Variants in RCAN1 observed in about 807,000 individuals in gnomAD.
RCAN1 encodes the protein calcipressin-1.
A neutral mutation model predicts 22.9 loss-of-function variants in RCAN1; 11 were observed. That is an observed-to-expected ratio of 0.48 (90% CI 0.30 to 0.79). The LOEUF is 0.79. Ranked by LOEUF, RCAN1 falls within the 30% of genes least tolerant of loss-of-function variation. The probability of loss-of-function intolerance (pLI) is 0.06; values close to 1 mark genes in which losing one functional copy is unlikely to be tolerated. For synonymous variants in RCAN1, 136 were observed against 142.3 expected, an observed-to-expected ratio of 0.96 and a Z score of 0.32; for missense variants, 291 against 337.8, an observed-to-expected ratio of 0.86 and a Z score of 1.09.
Position 34,517,874 on chromosome 21 carries a change from C to T in RCAN1, c.*210G>A. On this transcript the variant is annotated 3_prime_UTR_variant, in exon 4 of 4. Transcript: ENST00000313806. The stretch of plus-strand genomic sequence containing the variant: ...ATCACCACAAACTCAGTGATTGGCC[C>T]AAGTCATTCCCGGGTGCCATGAACA... 1 of 603,192 alleles carries T rather than the reference C, an allele frequency of 1.7e-6. No homozygotes were observed. Among genetic ancestry groups the T allele is most frequent in the Admixed American group, 3.0e-5 (1 of 33,130 alleles). 37.4% of individuals were successfully genotyped at this position (603,192 alleles called of 1,614,324 possible). A position where few individuals can be genotyped will look rare whatever the true frequency, so the allele number is the denominator to read the frequency against.
chr21:34,557,162 G>A (rs7278580), intron 1 of RCAN1, among the ~76,000 whole-genome samples: 27,548 of 152,122 alleles, frequency 0.18, 2,918 homozygotes, highest in South Asian at 0.25. Context: ...GCAGTGAGCC[G>A]AGATCACGCC....
chr21:34,530,344 T>C (rs1985310601), intron 1 of RCAN1, among the ~76,000 whole-genome samples: 1 of 152,198 alleles, frequency 6.6e-6, no homozygotes, highest in Non-Finnish European at 1.5e-5. Context: ...AATTAAGGTT[T>C]ATGATGAATT....
At chr21:34,567,100 A>C (rs1205686227) in intron 1 of RCAN1, among the ~76,000 whole-genome samples, 1 of 151,280 alleles carries the variant, frequency 6.6e-6, no homozygotes, top group Non-Finnish European at 1.5e-5. Context: ...CCACCTCCCC[A>C]CCCCCTAAAT....
At position 34,563,768 on chromosome 21, in the gene RCAN1, A is replaced by ATATAT. The variant is rs56397854; in HGVS notation, c.253-40059_253-40058insATATA. ...ACTAAAAATACCAAAAAAAAAAAAA[A>ATATAT]AAATATATATATATATATATATATA... On this transcript the variant is annotated intron_variant, in intron 1 of 3. Coordinates refer to ENST00000313806, the MANE Select transcript of RCAN1 (RefSeq NM_004414.7). 1.4e-3 allele frequency among the ~76,000 whole-genome samples: 125 copies of ATATAT among 88,108 alleles called. 1 individual carries two copies. The highest frequency in any genetic ancestry group is 2.1e-3 in the Non-Finnish European group (98 of 47,050). The allele number at this position is 88,108 out of a possible 152,430, so 57.8% of individuals were successfully genotyped here. A position where few individuals can be genotyped will look rare whatever the true frequency, so the allele number is the denominator to read the frequency against.
Position 34,521,578 on chromosome 21 carries a change from T to A in RCAN1, c.507A>T (p.Pro169=), listed in dbSNP as rs1333339294. The change falls in exon 3 of 4, where the codon CCA becomes CCT. Residue 169 remains proline (P), a synonymous_variant. Transcript: ENST00000313806. ...CATCTTCCACTTGTTTCCATCCCAC[T>A]GGCGGAGAGGCGGGAGGGGAGATCA... is the stretch of plus-strand genomic sequence containing the variant. ...QFLISPPASP[P]VGWKQVEDAT... is the part of the protein sequence containing the mutation. 6.2e-7 allele frequency: 1 copy of A among 1,614,170 alleles called. No individual in the cohort carries two copies. Among genetic ancestry groups the A allele is most frequent in the Admixed American group, 1.7e-5 (1 of 60,024 alleles).
chr21:34,535,617 T>C (rs1985631886), intron 1 of RCAN1, among the ~76,000 whole-genome samples: 1 of 152,024 alleles, frequency 6.6e-6, no homozygotes, highest in Non-Finnish European at 1.5e-5. Flanking sequence ...ACAGTTCTGA[T>C]ACTTTGAAAA....
Position 34,614,768 on chromosome 21 carries a change from G to T in RCAN1, c.244C>A (p.Leu82Met). 1 of 1,450,068 alleles carries T rather than the reference G, an allele frequency of 6.9e-7. No homozygotes were observed. The highest frequency in any genetic ancestry group is 3.2e-5 in the East Asian group (1 of 30,942). 89.8% of individuals were successfully genotyped at this position (1,450,068 alleles called of 1,614,324 possible). Residue 82 changes from leucine to methionine, a missense_variant, in exon 1 of 4, where the codon CTG (leucine) becomes ATG (methionine). By Grantham distance (15) the Leu-to-Met change is conservative (BLOSUM62 2). Transcript: ENST00000313806. The surrounding 1 kb of genome is among the most constrained non-coding windows in gnomAD (Gnocchi z 6.0). ...HLDPRVFVDGLCRAKFESLFR... is the reference protein window; with the variant it reads ...HLDPRVFVDGMCRAKFESLFR... ...CCCGGCGCGGTCCTCACCCGGCACA[G>T]GCCGTCCACGAACACGCGCGGGTCC...
chr21:34,563,939 G>A (rs578072266), intron 1 of RCAN1, among the ~76,000 whole-genome samples: 1,547 of 151,086 alleles, frequency 0.01, 10 homozygotes, highest in Non-Finnish European at 0.015. Context: ...GCACTCTAGC[G>A]TGGGCGACAG....
At position 34,523,610 on chromosome 21, in the gene RCAN1, G is replaced by A. The variant is rs527504893; in HGVS notation, c.353C>T (p.Ser118Phe). Residue 118 changes from serine to phenylalanine, a missense_variant, in exon 2 of 4, where the codon TCC becomes TTC. Physicochemically the swap from Ser to Phe is radical, Grantham distance 155. Transcript: ENST00000313806. ...CAGCTGGAGCCTGGCATCTGCTGCGGAGAAGGGGTTGCTGAAGTTTATTCT... is the reference window on the plus strand; with the variant it reads ...CAGCTGGAGCCTGGCATCTGCTGCGAAGAAGGGGTTGCTGAAGTTTATTCT... ...RVRINFSNPF[S>F]AADARLQLHK... 14 of 1,614,184 alleles carry A rather than the reference G, an allele frequency of 8.7e-6. No homozygotes were observed. In the South Asian group the frequency reaches 1.3e-4, roughly 15 times the overall value.
chr21:34,519,875 C>T (rs1345968512), intron 3 of RCAN1, among the ~76,000 whole-genome samples: 1 of 152,132 alleles, frequency 6.6e-6, no homozygotes, highest in African/African-American at 2.4e-5. Context: ...TTCTCTATCA[C>T]ATGTGGGACT....
At chr21:34,520,383 T>G (rs1325839883) in intron 3 of RCAN1, among the ~76,000 whole-genome samples, 4 of 152,196 alleles carry the variant, frequency 2.6e-5, no homozygotes, top group Non-Finnish European at 1.5e-5. Flanking sequence ...GGCCAGGAGC[T>G]GCTGTGGGGG....
chr21:34,536,128 G>A lies in RCAN1; in HGVS notation c.253-12418C>T, dbSNP rs1985660590. On this transcript the variant is annotated intron_variant, in intron 1 of 3. Transcript: ENST00000313806. ...TTAACCACCCCACTGTAACTTCTTGGAAACGCACTGCTTGCAATGTTTAAG... is the reference window on the plus strand; with the variant it reads ...TTAACCACCCCACTGTAACTTCTTGAAAACGCACTGCTTGCAATGTTTAAG... 2.0e-5 allele frequency among the ~76,000 whole-genome samples: 3 copies of A among 152,158 alleles called. No individual in the cohort carries two copies. The South Asian group carries it at 6.2e-4, about 32-fold the overall frequency.
At chr21:34,561,008 A>T (rs1350676769) in intron 1 of RCAN1, among the ~76,000 whole-genome samples, 1 of 152,158 alleles carries the variant, frequency 6.6e-6, no homozygotes, top group Non-Finnish European at 1.5e-5. Flanking sequence ...GGTTTCCCTC[A>T]TCCTGTTCTG....
intron 1 of RCAN1, among the ~76,000 whole-genome samples, chr21:34,595,067 G>T (rs1289740659): frequency 2.0e-5 from 3 of 152,184 alleles, no homozygotes; most frequent in Non-Finnish European, 4.4e-5. Context: ...GCTTCACAGG[G>T]TTTATGTGAG....
At chr21:34,610,200 G>A (rs1342673061) in intron 1 of RCAN1, among the ~76,000 whole-genome samples, 4 of 152,176 alleles carry the variant, frequency 2.6e-5, no homozygotes, top group Non-Finnish European at 5.9e-5. Context: ...ACAACCTCAG[G>A]AGTGGAAACT....
chr21:34,533,239 C>A (rs149807166), intron 1 of RCAN1, among the ~76,000 whole-genome samples: 2 of 152,160 alleles, frequency 1.3e-5, no homozygotes, highest in Non-Finnish European at 2.9e-5. Flanking sequence ...GGATTACAGG[C>A]GTGAGCCACC....
At chr21:34,548,617 T>G (rs1403530134) in intron 1 of RCAN1, among the ~76,000 whole-genome samples, 2 of 152,246 alleles carry the variant, frequency 1.3e-5, no homozygotes, top group Non-Finnish European at 2.9e-5. Context: ...CATCCCATTT[T>G]AGCACTTGTA....
chr21:34,522,867 C>T (rs1984686944), intron 2 of RCAN1: 1 of 152,178 alleles, frequency 6.6e-6, no homozygotes, highest in Non-Finnish European at 1.5e-5. Flanking sequence ...TGGGAGCTGC[C>T]TTGAAGGTGG....
chr21:34,549,364 C>T (rs774012613), intron 1 of RCAN1, among the ~76,000 whole-genome samples: 16 of 152,158 alleles, frequency 1.1e-4, no homozygotes, highest in Non-Finnish European at 1.8e-4. Flanking sequence ...ATTATTTTTA[C>T]TTCTTTTATA....
Sources: allele counts gnomAD v4.1 joint callset (sites outside exome capture counted in the v4.1 genomes callset), GRCh38; gene constraint gnomAD v4.1.1; non-coding constraint Gnocchi (gnomAD v3.1); transcripts MANE v1.5; gene names NCBI Gene and HGNC (gene_info 2026-07-23, HGNC 2026-07-21).